The following TMPRSS3 variants were observed in gnomAD, a reference collection of about 807,000 sequenced individuals.
TMPRSS3 encodes transmembrane serine protease 3, also known as transmembrane protease serine 3.
TMPRSS3 carries 55 observed loss-of-function variants against 59.6 expected under a neutral mutation model. The ratio of observed to expected loss-of-function variants is 0.92; its 90% CI spans 0.74 to 1.16. The LOEUF is 1.16. Ranked by LOEUF, TMPRSS3 falls within the 50% of genes most tolerant of loss-of-function variation. The probability of loss-of-function intolerance (pLI) is 0.00; values close to 1 mark genes in which losing one functional copy is unlikely to be tolerated. For missense variants in TMPRSS3, 596 were observed against 579.4 expected, an observed-to-expected ratio of 1.03 and a Z score of -0.29; for synonymous variants, 257 against 237.7, an observed-to-expected ratio of 1.08 and a Z score of -0.75.
rs751564896 is a variant in TMPRSS3 at position 42,372,464 on chromosome 21, G to A, written c.*298C>T. The A allele has an allele frequency of 7.1e-6, 4 of 566,638 alleles. No individual in the cohort carries two copies. The highest frequency in any genetic ancestry group is 3.7e-5 in the African/African-American group (2 of 53,956). The allele number at this position is 566,638 out of a possible 1,614,324, so 35.1% of individuals were successfully genotyped here. A position where few individuals can be genotyped will look rare whatever the true frequency, so the allele number is the denominator to read the frequency against. On this transcript the variant is annotated 3_prime_UTR_variant, in exon 13 of 13. Transcript: ENST00000644384. ...GGTCCCAGCTACTGGGGAAGCTGAGGCAAGAGAATCGCTTGAACCAGGGAA... is the reference window on the plus strand; with the variant it reads ...GGTCCCAGCTACTGGGGAAGCTGAGACAAGAGAATCGCTTGAACCAGGGAA...
At position 42,395,367 on chromosome 21, in the gene TMPRSS3, C is replaced by A. The variant is rs182209675; in HGVS notation, c.51G>T (p.Ser17=). 3 of 1,614,038 alleles carry A rather than the reference C, an allele frequency of 1.9e-6. No individual in the cohort carries two copies. The highest frequency in any genetic ancestry group is 2.7e-5 in the African/African-American group (2 of 74,930). ...PAVEAPFSFR[S]LFGLDDLKIS... is the part of the protein sequence containing the mutation. Reference sequence around the variant, plus strand: ...TTTTCAAATCATCAAGGCCAAAAAGCGATCGGAATGAGAAGGGGGCTTCAA... The same window carrying A: ...TTTTCAAATCATCAAGGCCAAAAAGAGATCGGAATGAGAAGGGGGCTTCAA... The change falls in exon 2 of 13, where the codon TCG becomes TCT. Residue 17 remains serine, a synonymous_variant. Coordinates refer to ENST00000644384, the MANE Select transcript of TMPRSS3 (RefSeq NM_001256317.3).
At position 42,390,146 on chromosome 21, in the gene TMPRSS3, T is replaced by G. The variant is rs138024579; in HGVS notation, c.95-109A>C. 121 of 899,794 alleles carry G rather than the reference T, an allele frequency of 1.3e-4. No homozygotes were observed. In the African/African-American group the frequency reaches 1.8e-3, roughly 13 times the overall value. 55.7% of individuals were successfully genotyped at this position (899,794 alleles called of 1,614,324 possible). A position where few individuals can be genotyped will look rare whatever the true frequency, so the allele number is the denominator to read the frequency against. Reference sequence around the variant, plus strand: ...CCCCTCCCCTCTTTGCAGAGAAGTCTCAGCCCAAAGAAAGGTGCCTTAATT... The same window carrying G: ...CCCCTCCCCTCTTTGCAGAGAAGTCGCAGCCCAAAGAAAGGTGCCTTAATT... On this transcript the variant is annotated intron_variant, in intron 2 of 12. Coordinates refer to ENST00000644384, the MANE Select transcript of TMPRSS3 (RefSeq NM_001256317.3).
Position 42,385,512 on chromosome 21 carries a change from T to C in TMPRSS3, c.469A>G (p.Arg157Gly), listed in dbSNP as rs1294324415. Residue 157 changes from arginine to glycine, a missense_variant, in exon 6 of 13, where the codon AGA becomes GGA. Physicochemically the swap from Arg to Gly is moderately radical, Grantham distance 125. Transcript: ENST00000644384. ...AACTGCCCCTCCAGCGAGCTCACTC[T>C]GAGGTTATCTGAACTCACATAGCTG... ...FPSYVSSDNL[R>G]VSSLEGQFRE... 6.2e-7 allele frequency: 1 copy of C among 1,614,182 alleles called. No homozygotes were observed.
At chr21:42,389,631 A>G (rs530565027) in intron 3 of TMPRSS3, among the ~76,000 whole-genome samples, 1 of 152,376 alleles carries the variant, frequency 6.6e-6, no homozygotes, top group African/African-American at 2.4e-5. Context: ...TGCCCCGGTC[A>G]GTGCCTCCCT....
At chr21:42,372,815 A>G (rs779608328) in intron 12 of TMPRSS3, 36 bp from the exon 13 acceptor site, 3 of 1,613,456 alleles carry the variant, frequency 1.9e-6, no homozygotes, top group East Asian at 4.5e-5. Context: ...TGTTTTTAGC[A>G]CTTCCAGCCA....
At position 42,376,681 on chromosome 21, in the gene TMPRSS3, C is replaced by T. The variant is rs745522641; in HGVS notation, c.1051G>A (p.Asp351Asn). The part of the protein sequence containing the change: ...SGWGATEDGG[D>N]ASPVLNHAAV... ...GCGTGGTTCAGGACAGGGGAGGCGT[C>T]ACCTGCTTCAAAGTGAGTGAGGGGA... The change falls in exon 11 of 13, where the codon GAC (aspartate) becomes AAC (asparagine). Residue 351 changes from aspartate to asparagine, a missense_variant and splice_region_variant. By Grantham distance (23) the Asp-to-Asn change is conservative (BLOSUM62 1). Coordinates refer to ENST00000644384, the MANE Select transcript of TMPRSS3 (RefSeq NM_001256317.3). 6.2e-7 allele frequency: 1 copy of T among 1,613,986 alleles called. No individual in the cohort carries two copies. The highest frequency in any genetic ancestry group is 8.5e-7 in the Non-Finnish European group (1 of 1,180,030).
In TMPRSS3 at chr21:42,383,104, C is replaced by G. The variant is rs770646507; in HGVS notation, c.711G>C (p.Gln237His). The change falls in exon 8 of 13, where the codon CAG becomes CAC. Residue 237 changes from glutamine to histidine, a missense_variant. Gln to His is a conservative substitution (Grantham distance 24). Transcript: ENST00000644384. Reference protein sequence around the residue: ...QWPWQASLQFQGYHLCGGSVI... With the variant: ...QWPWQASLQFHGYHLCGGSVI... ...CAGAGCCCCCGCACAGGTGGTAGCC[C>G]TGGAACTGAAGGCTGGCCTGCCAGG... 1 of 1,614,194 alleles carries G rather than the reference C, an allele frequency of 6.2e-7. No individual in the cohort carries two copies. Among genetic ancestry groups the G allele is most frequent in the Non-Finnish European group, 8.5e-7 (1 of 1,180,046 alleles).
Position 42,375,785 on chromosome 21 carries a change from T to C in TMPRSS3, c.1275A>G (p.Ala425=). 1.2e-6 allele frequency: 2 copies of C among 1,613,778 alleles called. No individual in the cohort carries two copies. The highest frequency in any genetic ancestry group is 1.7e-6 in the Non-Finnish European group (2 of 1,180,022). ...VGATSFGIGC[A]EVNKPGVYTR... is the part of the protein sequence containing the mutation. ...TGTACACCCCAGGCTTGTTCACCTC[T>C]GCGCAGCCGATGCCAAAGCTGGTCG... The change falls in exon 12 of 13, where the codon GCA becomes GCG. Residue 425 remains alanine, a synonymous_variant. Transcript: ENST00000644384.
At chr21:42,394,571 C>G (rs1449945494) in intron 2 of TMPRSS3, among the ~76,000 whole-genome samples, 1 of 152,110 alleles carries the variant, frequency 6.6e-6, no homozygotes, top group Non-Finnish European at 1.5e-5. Flanking sequence ...CCTCTTCTCC[C>G]ACCTCCCATC....
chr21:42,375,838 CT>C lies in TMPRSS3; in HGVS notation c.1221del (p.Glu408ArgfsTer7), dbSNP rs2146421764. ...CCCACTAACTTCCACAGCCTCCTCT[CT>C]TGACACACCAGGGGCCCCCCGCTGT... is the stretch of plus-strand genomic sequence containing the variant. ...QGDSGGPLVC[Q>X]ERRLWKLVGA... On this transcript the variant is annotated frameshift_variant, in exon 12 of 13. Transcript: ENST00000644384. LOFTEE classifies it high-confidence loss of function. 1.2e-6 allele frequency: 2 copies of C among 1,613,810 alleles called. No individual in the cohort carries two copies. The highest frequency in any genetic ancestry group is 1.7e-6 in the Non-Finnish European group (2 of 1,180,014).
intron 5 of TMPRSS3, 36 bp from the exon 6 acceptor site, chr21:42,385,570 A>G: frequency 6.2e-7 from 1 of 1,613,354 alleles, no homozygotes; most frequent in Non-Finnish European, 8.5e-7. Flanking sequence ...CCGACGTGGT[A>G]ACTTTACACT....
At chr21:42,373,183 G>T (rs774829894) in intron 12 of TMPRSS3, among the ~76,000 whole-genome samples, 6 of 152,196 alleles carry the variant, frequency 3.9e-5, no homozygotes, top group Non-Finnish European at 7.3e-5. Context: ...TTCCCCGCAA[G>T]ACAGTGAGTC....
At position 42,388,757 on chromosome 21, in the gene TMPRSS3, G is replaced by C. The variant is rs1393905837; in HGVS notation, c.322+172C>G. Among the ~76,000 whole-genome samples the C allele has an allele frequency of 2.0e-5, 3 of 151,450 alleles. No individual in the cohort carries two copies. The highest frequency in any genetic ancestry group is 2.0e-4 in the Admixed American group (3 of 15,190). On this transcript the variant is annotated intron_variant, in intron 4 of 12. Transcript: ENST00000644384. The surrounding 1 kb of genome is among the most constrained non-coding windows in gnomAD (Gnocchi z 5.1). ...CAAGAGAGCCAGAGCTCCATGGAAGGCCCTCCCTGACCCCCCAGCCCAACA... is the reference window on the plus strand; with the variant it reads ...CAAGAGAGCCAGAGCTCCATGGAAGCCCCTCCCTGACCCCCCAGCCCAACA...
At chr21:42,381,667 C>A (rs1007070064) in intron 9 of TMPRSS3, among the ~76,000 whole-genome samples, 2 of 152,214 alleles carry the variant, frequency 1.3e-5, no homozygotes, top group African/African-American at 4.8e-5. Flanking sequence ...AGACAAAGCA[C>A]ACAGCCCACG....
chr21:42,380,123 C>A lies in TMPRSS3; in HGVS notation c.1042G>T (p.Asp348Tyr). Residue 348 changes from aspartate to tyrosine, a missense_variant, in exon 10 of 13, where the codon GAT (aspartate) becomes TAT (tyrosine). By Grantham distance (160) the Asp-to-Tyr change is radical. Coordinates refer to ENST00000644384, the MANE Select transcript of TMPRSS3 (RefSeq NM_001256317.3). The stretch of plus-strand genomic sequence containing the variant: ...TTGGCTTCAGCCCACTGACCTCCAT[C>A]CTCTGTGGCCCCCCATCCTGACGTC... ...CWTSGWGATEDGGDASPVLNH... is the reference protein window; with the variant it reads ...CWTSGWGATEYGGDASPVLNH... The A allele has an allele frequency of 6.2e-7, 1 of 1,613,938 alleles. No homozygotes were observed. Among genetic ancestry groups the A allele is most frequent in the Non-Finnish European group, 8.5e-7 (1 of 1,179,852 alleles).
At chr21:42,381,238 T>C (rs1053175937) in intron 9 of TMPRSS3, among the ~76,000 whole-genome samples, 7 of 152,218 alleles carry the variant, frequency 4.6e-5, no homozygotes, top group African/African-American at 1.7e-4. Flanking sequence ...CAGGTGTGGC[T>C]CTTCTGGCAT....
At chr21:42,377,064 G>A (rs941418271) in intron 10 of TMPRSS3, among the ~76,000 whole-genome samples, 1 of 152,208 alleles carries the variant, frequency 6.6e-6, no homozygotes. Flanking sequence ...AGGCTCAGGA[G>A]GGTCACTCAC....
At chr21:42,385,014 T>C (rs2052601423) in intron 6 of TMPRSS3, among the ~76,000 whole-genome samples, 1 of 151,974 alleles carries the variant, frequency 6.6e-6, no homozygotes, top group Non-Finnish European at 1.5e-5. Context: ...TCTGTTTTTC[T>C]TCCTTTTACC....
intron 8 of TMPRSS3, 163 bp from the exon 9 acceptor site, chr21:42,382,397 A>C: frequency 1.5e-6 from 1 of 686,348 alleles, no homozygotes; most frequent in South Asian, 1.6e-5. Flanking sequence ...CTGCACTGCC[A>C]CGCCCTACAG....
Sources: allele counts gnomAD v4.1 joint callset (sites outside exome capture counted in the v4.1 genomes callset), GRCh38; gene constraint gnomAD v4.1.1; non-coding constraint Gnocchi (gnomAD v3.1); transcripts MANE v1.5; gene names NCBI Gene and HGNC (gene_info 2026-07-23, HGNC 2026-07-21).